Variants in DAPK2 observed in about 807,000 individuals in gnomAD.
DAPK2 encodes death-associated protein kinase 2.
A neutral mutation model predicts 44.1 loss-of-function variants in DAPK2; 35 were observed. That is an observed-to-expected ratio of 0.79 (90% CI 0.61 to 1.05). The LOEUF is 1.05. Among genes scored for constraint, DAPK2 ranks in the 50% least tolerant of loss-of-function variants. DAPK2 has a pLI of 0.00. For missense variants in DAPK2, 453 were observed against 483.2 expected (o/e 0.94, Z 0.59); for synonymous variants, 174 against 182.6 (o/e 0.95, Z 0.38).
At chr15:63,935,366 C>CA (rs2140420526) in intron 4 of DAPK2, among the ~76,000 whole-genome samples, 1 of 152,300 alleles carries the variant, frequency 6.6e-6, no homozygotes, top group Admixed American at 6.5e-5. Flanking sequence ...CCTGGGATTA[C>CA]AGGCATGAGC....
intron 1 of DAPK2, among the ~76,000 whole-genome samples, chr15:64,022,606 G>A (rs146562339): frequency 1.4e-3 from 211 of 152,226 alleles, no homozygotes; most frequent in African/African-American, 4.6e-3. Flanking sequence ...ACTCGAGCCC[G>A]GAAGGTTAAG....
chr15:63,914,398 G>A (rs1326165308), intron 8 of DAPK2, among the ~76,000 whole-genome samples: 2 of 152,200 alleles, frequency 1.3e-5, no homozygotes, highest in African/African-American at 4.8e-5. Context: ...AATGGGAAGA[G>A]AAAAGGACAA....
chr15:63,928,850 A>G (rs1250015363), intron 6 of DAPK2, among the ~76,000 whole-genome samples: 1 of 152,168 alleles, frequency 6.6e-6, no homozygotes, highest in Non-Finnish European at 1.5e-5. Flanking sequence ...GAAAAGGGGA[A>G]AGAAAGAAGA....
chr15:64,003,129 T>C (rs1595880080), intron 1 of DAPK2, among the ~76,000 whole-genome samples: 2 of 151,908 alleles, frequency 1.3e-5, no homozygotes, highest in East Asian at 1.9e-4. Flanking sequence ...GGTGGGTGGA[T>C]GCAATAAGGC....
chr15:63,983,614 A>G (rs754642102), exon 2 of DAPK2: 1 of 1,614,220 alleles, frequency 6.2e-7, no homozygotes, highest in African/African-American at 1.3e-5. Context: ...CACCTGCCGC[A>G]GGATGCTCAC....
At chr15:64,008,094 T>C (rs966814211) in intron 1 of DAPK2, among the ~76,000 whole-genome samples, 5 of 152,142 alleles carry the variant, frequency 3.3e-5, no homozygotes, top group Admixed American at 3.3e-4. Context: ...TTGATGATGA[T>C]GATGGTCACA....
chr15:64,002,955 T>TG (rs2079126368), intron 1 of DAPK2, among the ~76,000 whole-genome samples: 3 of 118,682 alleles, frequency 2.5e-5, no homozygotes, highest in East Asian at 7.9e-4. Context: ...TGTGTGTGTG[T>TG]GTGTGTGTGT....
chr15:64,009,461 G>A (rs118139034), intron 1 of DAPK2, among the ~76,000 whole-genome samples: 3,214 of 152,010 alleles, frequency 0.021, 45 homozygotes, highest in Non-Finnish European at 0.033. Flanking sequence ...AGGCCCCAGG[G>A]GCCTTTCACC....
intron 4 of DAPK2, 61 bp from the exon 6 acceptor site, chr15:63,930,516 A>C: frequency 6.7e-7 from 1 of 1,494,770 alleles, no homozygotes; most frequent in Admixed American, 1.7e-5. Context: ...AGATGGTTTT[A>C]GGGAATTTTA....
chr15:64,016,306 A>T (rs1297003125), intron 1 of DAPK2, among the ~76,000 whole-genome samples: 1 of 152,146 alleles, frequency 6.6e-6, no homozygotes, highest in African/African-American at 2.4e-5. Flanking sequence ...TTCTCCAGCA[A>T]GTTTCTTAGA....
At position 63,971,056 on chromosome 15, in the gene DAPK2, A is replaced by G. The variant is rs951295544; in HGVS notation, c.453+367T>C. ...GCCAGCCAACTTCAGCAATCCTCCA[A>G]ACATTTCTAGTTTTTTGTTACTGAA... On this transcript the variant is annotated intron_variant, in intron 3 of 10. Transcript: ENST00000261891. Among the ~76,000 whole-genome samples, 6 of 152,306 alleles carry G rather than the reference A, an allele frequency of 3.9e-5. No individual in the cohort carries two copies. The South Asian group carries it at 8.3e-4, about 21-fold the overall frequency.
intron 4 of DAPK2, among the ~76,000 whole-genome samples, chr15:63,938,653 C>A (rs1563886): frequency 5.3e-5 from 8 of 152,098 alleles, no homozygotes; most frequent in Admixed American, 4.6e-4. Flanking sequence ...AATCTCCGGC[C>A]CAAGCCCTAT....
intron 1 of DAPK2, among the ~76,000 whole-genome samples, chr15:63,989,384 A>G (rs1400303415): frequency 1.3e-5 from 2 of 152,116 alleles, no homozygotes; most frequent in African/African-American, 4.8e-5. Flanking sequence ...AAAAAAGCCA[A>G]TAAAAAAGAG....
chr15:64,002,956 GTGTGTGTGTCGTGGGACC>G (rs2079127439), intron 1 of DAPK2, among the ~76,000 whole-genome samples: 1 of 120,946 alleles, frequency 8.3e-6, no homozygotes, highest in Non-Finnish European at 1.7e-5. Context: ...GTGTGTGTGT[GTGTGTGTGTCGTGGGACC>G]TGTGTGTGTG....
In DAPK2 at chr15:63,912,356, G is replaced by A. The variant is rs1596380346; in HGVS notation, c.859-159C>T. 6.6e-6 allele frequency among the ~76,000 whole-genome samples: 1 copy of A among 152,214 alleles called. No individual in the cohort carries two copies. The highest frequency in any genetic ancestry group is 1.5e-5 in the Non-Finnish European group (1 of 68,040). ...CACACCGTGGGAGCATCACAGTCAG[G>A]GCAACAGCTACACATGTCTCAGCTG... On this transcript the variant is annotated intron_variant, in intron 8 of 10. Coordinates refer to ENST00000261891, the Ensembl canonical transcript of DAPK2. The surrounding 1 kb of genome is among the most constrained non-coding windows in gnomAD (Gnocchi z 4.4).
chr15:64,044,030 C>G (rs530900756), upstream of DAPK2, among the ~76,000 whole-genome samples: 6 of 152,276 alleles, frequency 3.9e-5, no homozygotes, highest in African/African-American at 1.4e-4. Context: ...TTGCATTTTA[C>G]CAGTTTAGAA....
At chr15:63,956,041 A>T (rs2034926157) in intron 3 of DAPK2, among the ~76,000 whole-genome samples, 1 of 152,198 alleles carries the variant, frequency 6.6e-6, no homozygotes, top group Non-Finnish European at 1.5e-5. Flanking sequence ...CCTGTCTAGA[A>T]ATGTATCCAT....
intron 3 of DAPK2, among the ~76,000 whole-genome samples, chr15:63,959,704 C>T (rs1338209437): frequency 1.3e-5 from 2 of 152,288 alleles, no homozygotes; most frequent in South Asian, 2.1e-4. Context: ...AGGGATGAAG[C>T]CAACTTGATT....
intron 8 of DAPK2, chr15:63,922,523 A>G: frequency 7.4e-7 from 1 of 1,357,868 alleles, no homozygotes; most frequent in Non-Finnish European, 9.5e-7. Flanking sequence ...CTGCCCTGCC[A>G]GAGCCCTCCC....
Sources: allele counts gnomAD v4.1 joint callset (sites outside exome capture counted in the v4.1 genomes callset), GRCh38; gene constraint gnomAD v4.1.1; non-coding constraint Gnocchi (gnomAD v3.1); transcripts MANE v1.5; gene names NCBI Gene and HGNC (gene_info 2026-07-23, HGNC 2026-07-21).